The following PTGER1 variants were observed in gnomAD, a reference collection of about 807,000 sequenced individuals.
The protein encoded by PTGER1 is prostaglandin E2 receptor EP1 subtype.
Under a neutral mutation model 18.5 loss-of-function variants are expected in PTGER1, and 15 were observed. The ratio of observed to expected loss-of-function variants is 0.81; its 90% CI spans 0.54 to 1.25. The LOEUF is 1.25. Ranked by LOEUF, PTGER1 falls within the 50% of genes most tolerant of loss-of-function variation. The probability of loss-of-function intolerance (pLI) is 0.00; values close to 1 mark genes in which losing one functional copy is unlikely to be tolerated. For missense variants in PTGER1, 567 were observed against 603.4 expected, an observed-to-expected ratio of 0.94 and a Z score of 0.63; for synonymous variants, 339 against 308.4, an observed-to-expected ratio of 1.10 and a Z score of -1.04.
rs2071585306 is a variant in PTGER1 at position 14,473,468 on chromosome 19, C to T, written c.853G>A (p.Ala285Thr). The change falls in exon 2 of 3, where the codon GCA becomes ACA. Residue 285 changes from alanine to threonine, a missense_variant. Transcript: ENST00000292513. This position sits in a 1 kb window ranked among gnomAD's most constrained non-coding sequence, Gnocchi z 7.1. Reference sequence around the variant, plus strand: ...ACGTCGTGGGCGCGAGCTCTGCGTGCCGAGCCGCTGCTCCGAGAGCCGCCA... The same window carrying T: ...ACGTCGTGGGCGCGAGCTCTGCGTGTCGAGCCGCTGCTCCGAGAGCCGCCA... ...FFGGSRSSGS[A>T]RRARAHDVEM... is the part of the protein sequence containing the mutation. 1.9e-6 allele frequency: 3 copies of T among 1,586,030 alleles called. No individual in the cohort carries two copies. The highest frequency in any genetic ancestry group is 2.3e-5 in the East Asian group (1 of 42,876).
In PTGER1 at chr19:14,474,304, G is replaced by A. The variant is rs760401525; in HGVS notation, c.17C>T (p.Pro6Leu). 76 of 1,528,348 alleles carry A rather than the reference G, an allele frequency of 5.0e-5. No individual in the cohort carries two copies. In the Admixed American group the frequency reaches 1.5e-3, roughly 30 times the overall value. 94.7% of individuals were successfully genotyped at this position (1,528,348 alleles called of 1,614,324 possible). A position where few individuals can be genotyped will look rare whatever the true frequency, so the allele number is the denominator to read the frequency against. Residue 6 changes from proline to leucine, a missense_variant, in exon 2 of 3, where the codon CCC becomes CTC. Coordinates refer to ENST00000292513, the MANE Select transcript of PTGER1 (RefSeq NM_000955.3). The surrounding 1 kb of genome is among the most constrained non-coding windows in gnomAD (Gnocchi z 5.4). ...CTCGCCCGCCAGGCTCAGGTTGAGG[G>A]GCCCGCAAGGGCTCATGTCAGGCGC... MSPCG[P>L]LNLSLAGEAT...
rs1389756168 is a variant in PTGER1, at chr19:14,472,697, C to T, written c.1072G>A (p.Val358Met). 1.2e-6 allele frequency: 2 copies of T among 1,611,870 alleles called. No homozygotes were observed. Among genetic ancestry groups the T allele is most frequent in the South Asian group, 1.1e-5 (1 of 90,874 alleles). The change falls in exon 3 of 3, where the codon GTG becomes ATG. Residue 358 changes from valine to methionine, a missense_variant. Transcript: ENST00000292513. ...PWVYILLRQAVLRQLLRLLPP... is the reference protein window; with the variant it reads ...PWVYILLRQAMLRQLLRLLPP... The stretch of plus-strand genomic sequence containing the variant: ...AAGAGGCGAAGCAGTTGGCGCAGCA[C>T]GGCCTGGCGCAGTAGGATGTACACC...
At position 14,474,228 on chromosome 19, in the gene PTGER1, C is replaced by A. The variant is rs1180363741; in HGVS notation, c.93G>T (p.Pro31=). 12 of 1,526,780 alleles carry A rather than the reference C, an allele frequency of 7.9e-6. No individual in the cohort carries two copies. The highest frequency in any genetic ancestry group is 9.6e-6 in the Non-Finnish European group (11 of 1,142,790). The allele number at this position is 1,526,780 out of a possible 1,614,324, so 94.6% of individuals were successfully genotyped here. ...TGGGCAGCGCGGGCGAAGCGCCCGA[C>A]GGCGGCACGGCCGACGTGTTGGGGA... The part of the protein sequence containing the change: ...PWVPNTSAVP[P]SGASPALPIF... Residue 31 remains proline, a synonymous_variant, in exon 2 of 3, where the codon CCG becomes CCT. Transcript: ENST00000292513. This position sits in a 1 kb window ranked among gnomAD's most constrained non-coding sequence, Gnocchi z 5.4.
rs202005245 is a variant in PTGER1 at position 14,472,561 on chromosome 19, T to C, written c.1208A>G (p.Ter403=). The change falls in exon 3 of 3, where the codon TAA becomes TGA. Residue 403 remains the stop codon, a stop_retained_variant. Coordinates refer to ENST00000292513, the MANE Select transcript of PTGER1 (RefSeq NM_000955.3). ...SSRHSGLSHF[*] ...TAGTCGTTGGGCCTCTGGTTGTGCT[T>C]AGAAGTGGCTGAGGCCGCTGTGCCG... The C allele has an allele frequency of 2.7e-5, 43 of 1,573,290 alleles. No individual in the cohort carries two copies. The African/African-American group carries it at 5.3e-4, about 19-fold the overall frequency.
rs1568355417 is a variant in PTGER1, at chr19:14,473,339, C to CG, written c.942+39dup. The CG allele has an allele frequency of 1.3e-6, 2 of 1,549,894 alleles. No individual in the cohort carries two copies. The highest frequency in any genetic ancestry group is 2.4e-5 in the South Asian group (2 of 84,908). The stretch of plus-strand genomic sequence containing the variant: ...AGGGCGGGAGGGTGCCGAGAGGGAG[C>CG]GGGAAGGAGCGTGGCTCGAGGGGCC... On this transcript the variant is annotated intron_variant, in intron 2 of 2. Coordinates refer to ENST00000292513, the MANE Select transcript of PTGER1 (RefSeq NM_000955.3). The surrounding 1 kb of genome is among the most constrained non-coding windows in gnomAD (Gnocchi z 7.1).
In PTGER1 at chr19:14,473,403, C is replaced by T. The variant is rs2071584312; in HGVS notation, c.918G>A (p.Ser306=). 1.3e-6 allele frequency: 2 copies of T among 1,595,268 alleles called. No individual in the cohort carries two copies. The highest frequency in any genetic ancestry group is 1.7e-4 in the Middle Eastern group (1 of 6,058). Residue 306 remains serine (S), a synonymous_variant, in exon 2 of 3, where the codon TCG becomes TCA. Transcript: ENST00000292513. This position sits in a 1 kb window ranked among gnomAD's most constrained non-coding sequence, Gnocchi z 7.1. ...VGQLVGIMVV[S]CICWSPMLVL... ...CCAGCATTGGGCTCCAGCAGATGCA[C>T]GACACCACCATGATACCGACAAGCT...
rs1484239130 is a variant in PTGER1, at chr19:14,473,895, C to T, written c.426G>A (p.Pro142=). The change falls in exon 2 of 3, where the codon CCG becomes CCA. Residue 142 remains proline, a synonymous_variant. Coordinates refer to ENST00000292513, the MANE Select transcript of PTGER1 (RefSeq NM_000955.3). The surrounding 1 kb of genome is among the most constrained non-coding windows in gnomAD (Gnocchi z 7.1). ...CCGAGACCCGCGCGGCGTGGAGCAGCGGCCGCGTGACGCCCACGCAGCGCT... is the reference window on the plus strand; with the variant it reads ...CCGAGACCCGCGCGGCGTGGAGCAGTGGCCGCGTGACGCCCACGCAGCGCT... ...AVERCVGVTR[P]LLHAARVSVA... 1.5e-6 allele frequency: 2 copies of T among 1,338,032 alleles called. No individual in the cohort carries two copies. Among genetic ancestry groups the T allele is most frequent in the African/African-American group, 3.1e-5 (2 of 64,898 alleles). 82.9% of individuals were successfully genotyped at this position (1,338,032 alleles called of 1,614,324 possible).
rs1236344420 is a variant in PTGER1, at chr19:14,474,261, C to T, written c.60G>A (p.Ala20=). ...CGGCCGACGTGTTGGGGACCCAGGG[C>T]GCCGCGCATGTGGTCGCCTCGCCCG... ...SLAGEATTCA[A]PWVPNTSAVP... Residue 20 remains alanine (A), a synonymous_variant, in exon 2 of 3, where the codon GCG becomes GCA. Coordinates refer to ENST00000292513, the MANE Select transcript of PTGER1 (RefSeq NM_000955.3). This position sits in a 1 kb window ranked among gnomAD's most constrained non-coding sequence, Gnocchi z 5.4. 6.5e-7 allele frequency: 1 copy of T among 1,530,662 alleles called. No individual in the cohort carries two copies. Among genetic ancestry groups the T allele is most frequent in the Admixed American group, 2.0e-5 (1 of 50,662 alleles). 94.8% of individuals were successfully genotyped at this position (1,530,662 alleles called of 1,614,324 possible).
chr19:14,472,969 C>G (rs982367353), intron 2 of PTGER1, 143 bp from the exon 3 acceptor site: 6 of 816,166 alleles, frequency 7.4e-6, no homozygotes, highest in Admixed American at 3.1e-5. Context: ...AGATGAGAAA[C>G]GGATGCGGAA....
Position 14,473,559 on chromosome 19 carries a change from C to A in PTGER1, c.762G>T (p.Gly254=). Residue 254 remains glycine, a synonymous_variant, in exon 2 of 3, where the codon GGG becomes GGT. Transcript: ENST00000292513. The surrounding 1 kb of genome is among the most constrained non-coding windows in gnomAD (Gnocchi z 7.1). The part of the protein sequence containing the change: ...ASGPDSRRRW[G]AHGPRSASAS... ...CGGAGGCCGAGCGGGGTCCGTGCGC[C>A]CCCCAGCGACGCCGGCTGTCGGGGC... The A allele has an allele frequency of 6.6e-7, 1 of 1,516,366 alleles. No individual in the cohort carries two copies. Among genetic ancestry groups the A allele is most frequent in the African/African-American group, 1.4e-5 (1 of 69,736 alleles). The allele number at this position is 1,516,366 out of a possible 1,614,324, so 93.9% of individuals were successfully genotyped here.
In PTGER1 at chr19:14,474,291, G is replaced by A; in HGVS notation, c.30C>T (p.Ser10=). 6.5e-7 allele frequency: 1 copy of A among 1,530,690 alleles called. No individual in the cohort carries two copies. The highest frequency in any genetic ancestry group is 2.5e-5 in the East Asian group (1 of 40,386). The allele number at this position is 1,530,690 out of a possible 1,614,324, so 94.8% of individuals were successfully genotyped here. The change falls in exon 2 of 3, where the codon AGC becomes AGT. Residue 10 remains serine (S), a synonymous_variant. Coordinates refer to ENST00000292513, the MANE Select transcript of PTGER1 (RefSeq NM_000955.3). The surrounding 1 kb of genome is among the most constrained non-coding windows in gnomAD (Gnocchi z 5.4). The part of the protein sequence containing the change: MSPCGPLNL[S]LAGEATTCAA... ...CGCATGTGGTCGCCTCGCCCGCCAG[G>A]CTCAGGTTGAGGGGCCCGCAAGGGC... is the stretch of plus-strand genomic sequence containing the variant.
In PTGER1 at chr19:14,474,475, T is replaced by C; in HGVS notation, c.-17-138A>G. The C allele has an allele frequency of 1.1e-6, 1 of 949,114 alleles. No homozygotes were observed. Among genetic ancestry groups the C allele is most frequent in the East Asian group, 3.3e-5 (1 of 30,488 alleles). The allele number at this position is 949,114 out of a possible 1,614,324, so 58.8% of individuals were successfully genotyped here. ...GCCCCTCTGCCCATGGCAGTTGCCA[T>C]GGGCAACTCCAAATGACCTGGCCAC... On this transcript the variant is annotated intron_variant, in intron 1 of 2. Transcript: ENST00000292513. This position sits in a 1 kb window ranked among gnomAD's most constrained non-coding sequence, Gnocchi z 5.4.
chr19:14,475,037 C>T lies in PTGER1; in HGVS notation c.-18+225G>A, dbSNP rs761903673. Among the ~76,000 whole-genome samples the T allele has an allele frequency of 9.3e-4, 141 of 152,206 alleles. 10 individuals carry two copies. The highest frequency in any genetic ancestry group is 8.8e-5 in the Non-Finnish European group (6 of 68,034). On this transcript the variant is annotated intron_variant, in intron 1 of 2. Transcript: ENST00000292513. ...TATCCCTGCCCCAGAGGCCTGGAGG[C>T]GGCCCCACGACCATCCACTCTTTGA... is the stretch of plus-strand genomic sequence containing the variant.
rs2071596354 is a variant in PTGER1 at position 14,474,424 on chromosome 19, G to A, written c.-17-87C>T. On this transcript the variant is annotated intron_variant, in intron 1 of 2. Transcript: ENST00000292513. The surrounding 1 kb of genome is among the most constrained non-coding windows in gnomAD (Gnocchi z 5.4). Reference sequence around the variant, plus strand: ...GTGCCATCTCAGAACATCAGGGCCTGTTTGACTCCATGGCGTTCTCAGGCG... The same window carrying A: ...GTGCCATCTCAGAACATCAGGGCCTATTTGACTCCATGGCGTTCTCAGGCG... The A allele has an allele frequency of 7.5e-7, 1 of 1,339,260 alleles. No homozygotes were observed. Among genetic ancestry groups the A allele is most frequent in the Non-Finnish European group, 9.6e-7 (1 of 1,036,946 alleles). The allele number at this position is 1,339,260 out of a possible 1,614,324, so 83.0% of individuals were successfully genotyped here.
At position 14,473,161 on chromosome 19, in the gene PTGER1, A is replaced by C. The variant is rs1003520629; in HGVS notation, c.942+218T>G. Among the ~76,000 whole-genome samples the C allele has an allele frequency of 4.0e-5, 6 of 151,628 alleles. No individual in the cohort carries two copies. The highest frequency in any genetic ancestry group is 1.5e-4 in the African/African-American group (6 of 41,234). ...TTGTGTGGGTCGGGGTGCGCTACAAAGACCCCAAAAAGGAAGAGGAGAGGG... is the reference window on the plus strand; with the variant it reads ...TTGTGTGGGTCGGGGTGCGCTACAACGACCCCAAAAAGGAAGAGGAGAGGG... On this transcript the variant is annotated intron_variant, in intron 2 of 2. Transcript: ENST00000292513. This position sits in a 1 kb window ranked among gnomAD's most constrained non-coding sequence, Gnocchi z 7.1.
rs2071580321 is a variant in PTGER1 at position 14,473,022 on chromosome 19, G to C, written c.943-196C>G. 6.6e-6 allele frequency among the ~76,000 whole-genome samples: 1 copy of C among 152,022 alleles called. No homozygotes were observed. The highest frequency in any genetic ancestry group is 2.4e-5 in the African/African-American group (1 of 41,392). On this transcript the variant is annotated intron_variant, in intron 2 of 2. Transcript: ENST00000292513. This position sits in a 1 kb window ranked among gnomAD's most constrained non-coding sequence, Gnocchi z 7.1. Reference sequence around the variant, plus strand: ...AAACAAACACCTTCAGTGGGTGGGGGTCCGGCCGTAGAGGAGTCTCAGGTG... The same window carrying C: ...AAACAAACACCTTCAGTGGGTGGGGCTCCGGCCGTAGAGGAGTCTCAGGTG...
rs1195678930 is a variant in PTGER1, at chr19:14,474,969, C to T, written c.-18+293G>A. Among the ~76,000 whole-genome samples the T allele has an allele frequency of 2.0e-5, 3 of 152,200 alleles. No homozygotes were observed. The highest frequency in any genetic ancestry group is 7.2e-5 in the African/African-American group (3 of 41,456). On this transcript the variant is annotated intron_variant, in intron 1 of 2. Transcript: ENST00000292513. The surrounding 1 kb of genome is among the most constrained non-coding windows in gnomAD (Gnocchi z 5.4). ...TGCGGTCTCTCGCCAGGCCCTACCC[C>T]GATCACCTCTGCCTCACCCTGGGTG...
rs904143425 is a variant in PTGER1, at chr19:14,474,377, C to T, written c.-17-40G>A. The T allele has an allele frequency of 6.9e-7, 1 of 1,442,980 alleles. No individual in the cohort carries two copies. The highest frequency in any genetic ancestry group is 9.0e-7 in the Non-Finnish European group (1 of 1,106,034). 89.4% of individuals were successfully genotyped at this position (1,442,980 alleles called of 1,614,324 possible). A position where few individuals can be genotyped will look rare whatever the true frequency, so the allele number is the denominator to read the frequency against. On this transcript the variant is annotated intron_variant, in intron 1 of 2. Transcript: ENST00000292513. This position sits in a 1 kb window ranked among gnomAD's most constrained non-coding sequence, Gnocchi z 5.4. ...GGAGGGCAGAGTGAGGCTGGCTGGGCCCGGGCGGGGACCAGCCCACGGTGC... is the reference window on the plus strand; with the variant it reads ...GGAGGGCAGAGTGAGGCTGGCTGGGTCCGGGCGGGGACCAGCCCACGGTGC...
Position 14,472,787 on chromosome 19 carries a change from A to AGG in PTGER1, c.980_981dup (p.Ser328ProfsTer55). ...GCCAGGAACAGTGGCCGCTGCAGGG[A>AGG]GGTAGAGCTCCAGCCGCCGACGGCC... On this transcript the variant is annotated frameshift_variant, in exon 3 of 3. Coordinates refer to ENST00000292513, the MANE Select transcript of PTGER1 (RefSeq NM_000955.3). LOFTEE classifies it low-confidence loss of function (END_TRUNC). 6.4e-7 allele frequency: 1 copy of AGG among 1,571,256 alleles called. No homozygotes were observed. Among genetic ancestry groups the AGG allele is most frequent in the Non-Finnish European group, 8.6e-7 (1 of 1,160,632 alleles).
Sources: allele counts gnomAD v4.1 joint callset (sites outside exome capture counted in the v4.1 genomes callset), GRCh38; gene constraint gnomAD v4.1.1; non-coding constraint Gnocchi (gnomAD v3.1); transcripts MANE v1.5; gene names NCBI Gene and HGNC (gene_info 2026-07-23, HGNC 2026-07-21).